Variants in CDK2 observed in about 807,000 individuals in gnomAD.
CDK2 encodes the protein cyclin-dependent kinase 2.
Under a neutral mutation model 35.0 loss-of-function variants are expected in CDK2, and 8 were observed. That is an observed-to-expected ratio of 0.23 (90% CI 0.13 to 0.41). The LOEUF is 0.41. CDK2 is among the 10% of genes least tolerant of loss of function. CDK2 has a pLI of 1.00. For synonymous variants in CDK2, 134 were observed against 137.7 expected (o/e 0.97, Z 0.19); for missense variants, 201 against 367.1 (o/e 0.55, Z 3.70).
At position 55,971,032 on chromosome 12, in the gene CDK2, C is replaced by T. The variant is rs777362419; in HGVS notation, c.589-12C>T. ...ACGTGGGTCTTGGTATTTCCTCTTT[C>T]CCCATTTTCAGGTGACTCGCCGGGC... On this transcript the variant is annotated splice_polypyrimidine_tract_variant and intron_variant, in intron 5 of 6. Transcript: ENST00000266970. 5 of 1,612,248 alleles carry T rather than the reference C, an allele frequency of 3.1e-6. No homozygotes were observed. The African/African-American group carries it at 5.3e-5, about 17-fold the overall frequency.
intron 6 of CDK2, 127 bp from the exon 7 acceptor site, chr12:55,971,394 T>C (rs928674725): frequency 1.8e-6 from 2 of 1,083,526 alleles, no homozygotes; most frequent in Non-Finnish European, 2.8e-6. Context: ...GATTCAGCTA[T>C]GGGAGGATGG....
chr12:55,970,842 G>A, intron 5 of CDK2: 2 of 698,296 alleles, frequency 2.9e-6, no homozygotes, highest in Non-Finnish European at 2.6e-6. Context: ...GCCATGGTTG[G>A]GGGAAGGAAG....
At position 55,971,522 on chromosome 12, in the gene CDK2, A is replaced by G; in HGVS notation, c.794A>G (p.Gln265Arg). The part of the protein sequence containing the change: ...LDEDGRSLLS[Q>R]MLHYDPNKRI... ...GTCAACATGCATCTCTCCCTCTAGCAAATGCTGCACTACGACCCTAACAAG... is the reference window on the plus strand; with the variant it reads ...GTCAACATGCATCTCTCCCTCTAGCGAATGCTGCACTACGACCCTAACAAG... Residue 265 changes from glutamine to arginine, a missense_variant and splice_region_variant, in exon 7 of 7, where the codon CAA becomes CGA. By Grantham distance (43) the Gln-to-Arg change is conservative (BLOSUM62 1). Transcript: ENST00000266970. The G allele has an allele frequency of 6.2e-7, 1 of 1,612,476 alleles. No homozygotes were observed. The highest frequency in any genetic ancestry group is 8.5e-7 in the Non-Finnish European group (1 of 1,178,464).
At chr12:55,967,227 G>A (rs990974243) in intron 1 of CDK2, 103 bp downstream of exon 1, 2 of 806,982 alleles carry the variant, frequency 2.5e-6, no homozygotes, top group Non-Finnish European at 2.1e-6. Flanking sequence ...AAGAGAGCAG[G>A]GAGGGACTTC....
chr12:55,970,886 T>C, intron 5 of CDK2, 158 bp from the exon 6 acceptor site: 6 of 747,416 alleles, frequency 8.0e-6, no homozygotes, highest in Non-Finnish European at 1.5e-5. Flanking sequence ...GGAACTTCAT[T>C]GTCTCAGGTT....
chr12:55,966,957 G>A lies in CDK2; in HGVS notation c.-52G>A. On this transcript the variant is annotated 5_prime_UTR_variant, in exon 1 of 7. Coordinates refer to ENST00000266970, the MANE Select transcript of CDK2 (RefSeq NM_001798.5). ...GAGAGCCAGGGTCCGCCTTCTGCAG[G>A]GTTCCCAGGCCCCCGCTCCAGGGCC... 1 of 1,428,074 alleles carries A rather than the reference G, an allele frequency of 7.0e-7. No individual in the cohort carries two copies. Among genetic ancestry groups the A allele is most frequent in the East Asian group, 2.4e-5 (1 of 42,408 alleles). The allele number at this position is 1,428,074 out of a possible 1,614,324, so 88.5% of individuals were successfully genotyped here.
chr12:55,969,430 C>A, intron 4 of CDK2, 45 bp from the exon 5 acceptor site: 1 of 1,067,196 alleles, frequency 9.4e-7, no homozygotes, highest in Non-Finnish European at 1.4e-6. Context: ...CGGGAATTTC[C>A]ATACCCTATA....
At chr12:55,967,802 G>A in intron 1 of CDK2, 55 bp from the exon 2 acceptor site, 2 of 1,438,540 alleles carry the variant, frequency 1.4e-6, no homozygotes, top group Non-Finnish European at 2.0e-6. Flanking sequence ...CTAGGTGGGG[G>A]GGAAAGGAAT....
intron 4 of CDK2, among the ~76,000 whole-genome samples, chr12:55,969,234 A>C (rs1265698327): frequency 6.6e-6 from 1 of 152,130 alleles, no homozygotes; most frequent in Non-Finnish European, 1.5e-5. Context: ...CAAATCTACA[A>C]AAAGAAAAAA....
chr12:55,971,178 C>T lies in CDK2; in HGVS notation c.723C>T (p.Pro241=), dbSNP rs1311613011. 1 of 1,614,116 alleles carries T rather than the reference C, an allele frequency of 6.2e-7. No individual in the cohort carries two copies. The highest frequency in any genetic ancestry group is 2.2e-5 in the East Asian group (1 of 44,868). Residue 241 remains proline (P), a synonymous_variant, in exon 6 of 7, where the codon CCC becomes CCT. Coordinates refer to ENST00000266970, the MANE Select transcript of CDK2 (RefSeq NM_001798.5). ...TGCCTGATTACAAGCCAAGTTTCCC[C>T]AAGTGGGCCCGGCAAGATTTTAGTA... ...TSMPDYKPSF[P]KWARQDFSKV...
At position 55,971,626 on chromosome 12, in the gene CDK2, T is replaced by TAGCCTTCTTGAAGCCCCCAGCCCTAATC. The variant is rs775746539; in HGVS notation, c.*2_*29dup. ...GCCAGTACCCCATCTTCGACTCTGA[T>TAGCCTTCTTGAAGCCCCCAGCCCTAATC]AGCCTTCTTGAAGCCCCCAGCCCTA... is the stretch of plus-strand genomic sequence containing the variant. On this transcript the variant is annotated 3_prime_UTR_variant, in exon 7 of 7. Transcript: ENST00000266970. 6.2e-7 allele frequency: 1 copy of TAGCCTTCTTGAAGCCCCCAGCCCTAATC among 1,607,166 alleles called. No individual in the cohort carries two copies. Among genetic ancestry groups the TAGCCTTCTTGAAGCCCCCAGCCCTAATC allele is most frequent in the African/African-American group, 1.3e-5 (1 of 74,898 alleles).
chr12:55,967,234 C>G, intron 1 of CDK2, 110 bp downstream of exon 1: 1 of 771,494 alleles, frequency 1.3e-6, no homozygotes, highest in Non-Finnish European at 2.2e-6. Flanking sequence ...CAGGGAGGGA[C>G]TTCTTTAGAA....
rs1889494261 is a variant in CDK2 at position 55,972,145 on chromosome 12, A to C, written c.*520A>C. On this transcript the variant is annotated 3_prime_UTR_variant, in exon 7 of 7. Coordinates refer to ENST00000266970, the MANE Select transcript of CDK2 (RefSeq NM_001798.5). ...AATAGATCCAATCAGTTTATACCCT[A>C]GTTAGTGTTTTGCCTCACCTAATAG... The C allele has an allele frequency of 6.5e-6, 1 of 152,914 alleles. No individual in the cohort carries two copies. The highest frequency in any genetic ancestry group is 1.5e-5 in the Non-Finnish European group (1 of 68,598). 9.5% of individuals were successfully genotyped at this position (152,914 alleles called of 1,614,324 possible).
chr12:55,971,399 G>A, intron 6 of CDK2, 122 bp from the exon 7 acceptor site: 2 of 1,084,132 alleles, frequency 1.8e-6, no homozygotes, highest in Non-Finnish European at 2.8e-6. Flanking sequence ...AGCTATGGGA[G>A]GATGGAAGTG....
At position 55,972,570 on chromosome 12, in the gene CDK2, C is replaced by A. The variant is rs1592787232; in HGVS notation, c.*945C>A. ...ATTATATTTATATTTCAGGTTATAT[C>A]CAATAGTAGAGTTGGCTTTTTTTTT... is the stretch of plus-strand genomic sequence containing the variant. On this transcript the variant is annotated 3_prime_UTR_variant, in exon 7 of 7. Transcript: ENST00000266970. 2 of 147,394 alleles carry A rather than the reference C, an allele frequency of 1.4e-5. No homozygotes were observed. The highest frequency in any genetic ancestry group is 4.2e-4 in the South Asian group (2 of 4,726). The allele number at this position is 147,394 out of a possible 1,614,324, so 9.1% of individuals were successfully genotyped here. A position where few individuals can be genotyped will look rare whatever the true frequency, so the allele number is the denominator to read the frequency against.
chr12:55,971,216 C>T lies in CDK2; in HGVS notation c.761C>T (p.Pro254Leu), dbSNP rs1026478617. ...ARQDFSKVVP[P>L]LDEDGRSLLS... ...CAAGATTTTAGTAAAGTTGTACCTC[C>T]CCTGGATGAAGATGGACGGAGCTTG... is the stretch of plus-strand genomic sequence containing the variant. The change falls in exon 6 of 7, where the codon CCC becomes CTC. Residue 254 changes from proline to leucine, a missense_variant. Pro to Leu is a moderately conservative substitution (Grantham distance 98, BLOSUM62 -3). Coordinates refer to ENST00000266970, the MANE Select transcript of CDK2 (RefSeq NM_001798.5). 3.1e-6 allele frequency: 5 copies of T among 1,614,090 alleles called. No individual in the cohort carries two copies. The highest frequency in any genetic ancestry group is 3.4e-6 in the Non-Finnish European group (4 of 1,180,018).
intron 5 of CDK2, 101 bp downstream of exon 5, chr12:55,969,677 C>T: frequency 1.7e-6 from 1 of 586,164 alleles, no homozygotes. Flanking sequence ...GCCCTTCTAT[C>T]ACAGGGTTCT....
At chr12:55,969,311 G>A (rs1889416308) in intron 4 of CDK2, among the ~76,000 whole-genome samples, 164 bp from the exon 5 acceptor site, 1 of 152,078 alleles carries the variant, frequency 6.6e-6, no homozygotes. Flanking sequence ...TAGGGGTTCA[G>A]TCCAGAACTA....
At chr12:55,967,970 G>A (rs1185622883) in intron 2 of CDK2, 36 bp downstream of exon 2, 1 of 1,613,598 alleles carries the variant, frequency 6.2e-7, no homozygotes, top group Non-Finnish European at 8.5e-7. Flanking sequence ...CAGCTGGAAA[G>A]GAGGATAAGT....
Sources: allele counts gnomAD v4.1 joint callset (sites outside exome capture counted in the v4.1 genomes callset), GRCh38; gene constraint gnomAD v4.1.1; transcripts MANE v1.5; gene names NCBI Gene and HGNC (gene_info 2026-07-23, HGNC 2026-07-21).